RTN1: variants seen among roughly 807,000 people sequenced by gnomAD.
RTN1 encodes the protein reticulon-1.
A neutral mutation model predicts 65.5 loss-of-function variants in RTN1; 25 were observed. That is an observed-to-expected ratio of 0.38 (90% confidence interval 0.28 to 0.53). The LOEUF (loss-of-function observed/expected upper bound fraction) is 0.53. RTN1 is among the 20% of genes least tolerant of loss of function. The pLI is 0.79. For missense variants in RTN1, 983 were observed against 1,025.4 expected, an observed-to-expected ratio of 0.96 and a Z score of 0.57; for synonymous variants, 471 against 447.6, an observed-to-expected ratio of 1.05 and a Z score of -0.66.
At chr14:59,617,795 C>A (rs1882144030) in intron 3 of RTN1, among the ~76,000 whole-genome samples, 1 of 152,158 alleles carries the variant, frequency 6.6e-6, no homozygotes, top group Non-Finnish European at 1.5e-5. Flanking sequence ...TTCTGCCATG[C>A]AAACCTTGAA....
chr14:59,714,677 G>A (rs955254607), intron 3 of RTN1, among the ~76,000 whole-genome samples: 2 of 152,212 alleles, frequency 1.3e-5, no homozygotes, highest in South Asian at 4.1e-4. Flanking sequence ...CCGTGACTGA[G>A]AGCCACTTCC....
Position 59,749,531 on chromosome 14 carries a change from ATCTATC to A in RTN1, c.242-3056_242-3051del, listed in dbSNP as rs1566712096. On this transcript the variant is annotated intron_variant, in intron 1 of 8. Transcript: ENST00000267484. ...TATAGATATCTATATATTTATATAT[ATCTATC>A]TATATATATTTATATAGATATCTAT... 4.8e-4 allele frequency among the ~76,000 whole-genome samples: 28 copies of A among 57,926 alleles called. No homozygotes were observed. In the East Asian group the frequency reaches 7.2e-3, roughly 15 times the overall value. The allele number at this position is 57,926 out of a possible 152,430, so 38.0% of individuals were successfully genotyped here. A position where few individuals can be genotyped will look rare whatever the true frequency, so the allele number is the denominator to read the frequency against.
intron 3 of RTN1, among the ~76,000 whole-genome samples, chr14:59,618,538 A>T (rs1291794247): frequency 6.6e-6 from 1 of 152,150 alleles, no homozygotes; most frequent in East Asian, 1.9e-4. Context: ...GCTCAGTGAG[A>T]CTCATTTGAA....
intron 1 of RTN1, among the ~76,000 whole-genome samples, chr14:59,764,865 T>G (rs754393852): frequency 6.6e-6 from 1 of 152,142 alleles, no homozygotes; most frequent in Non-Finnish European, 1.5e-5. Context: ...GGATCTACCT[T>G]ATATTTTTAA....
intron 3 of RTN1, among the ~76,000 whole-genome samples, chr14:59,716,801 T>C (rs1359405468): frequency 1.5e-5 from 2 of 129,638 alleles, no homozygotes; most frequent in African/African-American, 5.7e-5. Flanking sequence ...ACTAAAAAAA[T>C]ACAAAAAAAA....
At chr14:59,843,713 A>T (rs1349384622) in intron 1 of RTN1, among the ~76,000 whole-genome samples, 1 of 152,196 alleles carries the variant, frequency 6.6e-6, no homozygotes, top group Non-Finnish European at 1.5e-5. Context: ...TATCTAAGGT[A>T]AGGCACTGGA....
At chr14:59,627,400 G>A (rs1255623864) in intron 3 of RTN1, among the ~76,000 whole-genome samples, 1 of 152,172 alleles carries the variant, frequency 6.6e-6, no homozygotes, top group African/African-American at 2.4e-5. Context: ...CCTCCAAAAT[G>A]AGGACAATAA....
chr14:59,857,233 C>G (rs1887624647), intron 1 of RTN1, among the ~76,000 whole-genome samples: 1 of 152,156 alleles, frequency 6.6e-6, no homozygotes. Context: ...AGTATTTGCT[C>G]TGTCCCTGGT....
chr14:59,656,794 C>T (rs922085878), intron 3 of RTN1, among the ~76,000 whole-genome samples: 5 of 152,324 alleles, frequency 3.3e-5, no homozygotes, highest in African/African-American at 1.2e-4. Flanking sequence ...GTGGTTTCTG[C>T]AGTCTTCACA....
At chr14:59,795,437 A>G (rs1662285579) in intron 1 of RTN1, among the ~76,000 whole-genome samples, 1 of 152,192 alleles carries the variant, frequency 6.6e-6, no homozygotes, top group Non-Finnish European at 1.5e-5. Flanking sequence ...GCAGTGGTTC[A>G]TGCCTGTAAT....
intron 2 of RTN1, among the ~76,000 whole-genome samples, chr14:59,734,382 G>C (rs1204605733): frequency 1.3e-5 from 2 of 152,172 alleles, no homozygotes; most frequent in African/African-American, 4.8e-5. Flanking sequence ...GGCTGAGGCT[G>C]GGACCGCTGA....
chr14:59,604,165 A>G (rs1881671159), intron 5 of RTN1: 2 of 260,116 alleles, frequency 7.7e-6, no homozygotes, highest in Admixed American at 4.6e-5. Context: ...TAATCTACGA[A>G]GCTGTGGCCC....
chr14:59,801,996 A>G (rs77201452), intron 1 of RTN1, among the ~76,000 whole-genome samples: 1,854 of 152,304 alleles, frequency 0.012, 35 homozygotes, highest in African/African-American at 0.041. Flanking sequence ...CTCCCCAAGT[A>G]TATTTCAGTA....
At chr14:59,604,589 C>T (rs557029109) in intron 5 of RTN1, 3 of 152,402 alleles carry the variant, frequency 2.0e-5, no homozygotes, top group African/African-American at 4.8e-5. Context: ...TCCAGTAAAG[C>T]ATTTTGAGGG....
chr14:59,683,583 A>AC (rs1883786271), intron 3 of RTN1, among the ~76,000 whole-genome samples: 1 of 152,082 alleles, frequency 6.6e-6, no homozygotes, highest in Non-Finnish European at 1.5e-5. Context: ...ACTTCTGAAA[A>AC]CTTTCTTTGT....
At chr14:59,775,605 T>C (rs557437742) in intron 1 of RTN1, among the ~76,000 whole-genome samples, 7 of 152,204 alleles carry the variant, frequency 4.6e-5, no homozygotes, top group African/African-American at 1.7e-4. Flanking sequence ...TATTAATTAT[T>C]CCCATTTAAC....
rs111803657 is a variant in RTN1 at position 59,816,955 on chromosome 14, A to G, written c.241+53435T>C. ...CTCAAAATCAATTAATTAATAAATA[A>G]AATACACAGTACCAATAAGGGTTGT... is the stretch of plus-strand genomic sequence containing the variant. On this transcript the variant is annotated intron_variant, in intron 1 of 8. Transcript: ENST00000267484. This position sits in a 1 kb window ranked among gnomAD's most constrained non-coding sequence, Gnocchi z 4.3. Among the ~76,000 whole-genome samples, 4,303 of 152,238 alleles carry G rather than the reference A, an allele frequency of 0.028. 101 individuals are homozygous for G. Among genetic ancestry groups the G allele is most frequent in the Non-Finnish European group, 0.039 (2,656 of 68,008 alleles).
intron 1 of RTN1, among the ~76,000 whole-genome samples, chr14:59,747,105 C>A (rs1446477121): frequency 6.6e-6 from 1 of 152,182 alleles, no homozygotes; most frequent in Non-Finnish European, 1.5e-5. Flanking sequence ...CTGTTTATTT[C>A]ATCAGTTTTC....
chr14:59,647,901 C>G (rs1882934250), intron 3 of RTN1, among the ~76,000 whole-genome samples: 1 of 151,978 alleles, frequency 6.6e-6, no homozygotes, highest in African/African-American at 2.4e-5. Context: ...AAGAGCAAAC[C>G]AACTCCAGAG....
Sources: gnomAD v4.1 joint callset for allele counts (sites outside exome capture counted in the v4.1 genomes callset) on GRCh38, gnomAD v4.1.1 for gene constraint, Gnocchi (gnomAD v3.1) non-coding constraint, MANE v1.5 for transcripts, NCBI Gene and HGNC (gene_info 2026-07-23, HGNC 2026-07-21) for gene names.